The following RASGEF1C variants were observed in gnomAD, a reference collection of about 807,000 sequenced individuals.
RASGEF1C encodes ras-GEF domain-containing family member 1C.
A neutral mutation model predicts 58.1 loss-of-function variants in RASGEF1C; 27 were observed. The ratio of observed to expected loss-of-function variants is 0.46; its 90% confidence interval spans 0.34 to 0.64. The LOEUF is 0.64. RASGEF1C is among the 30% of genes least tolerant of loss of function. The pLI, the probability that RASGEF1C is intolerant of heterozygous loss-of-function variation, is 0.01. For synonymous variants in RASGEF1C, 243 were observed against 246.3 expected (o/e 0.99, Z 0.13); for missense variants, 502 against 605.1 (o/e 0.83, Z 1.79).
chr5:180,178,506 C>G (rs1449957697), intron 1 of RASGEF1C, among the ~76,000 whole-genome samples: 1 of 150,062 alleles, frequency 6.7e-6, no homozygotes, highest in African/African-American at 2.5e-5. Context: ...TCTCGAACTC[C>G]TGACTTCAAG....
chr5:180,152,189 T>C (rs1766756495), intron 1 of RASGEF1C, among the ~76,000 whole-genome samples: 1 of 151,962 alleles, frequency 6.6e-6, no homozygotes, highest in Non-Finnish European at 1.5e-5. Context: ...GAACTAGAAA[T>C]ACCATTTGAC....
At chr5:180,136,648 G>C in intron 3 of RASGEF1C, 133 bp from the exon 4 acceptor site, 2 of 963,640 alleles carry the variant, frequency 2.1e-6, no homozygotes, top group South Asian at 3.5e-5. Flanking sequence ...GGGAGGAGGA[G>C]GGGGGTGCGA....
At chr5:180,160,982 C>T (rs1766934728) in intron 1 of RASGEF1C, among the ~76,000 whole-genome samples, 1 of 152,194 alleles carries the variant, frequency 6.6e-6, no homozygotes, top group Non-Finnish European at 1.5e-5. Context: ...CGTGTGACTG[C>T]ATTTGGCACA....
intron 3 of RASGEF1C, 23 bp from the exon 4 acceptor site, chr5:180,136,538 G>A (rs766386564): frequency 3.9e-5 from 61 of 1,561,342 alleles, no homozygotes; most frequent in South Asian, 3.1e-4. Flanking sequence ...GAGGGGCACC[G>A]CGCTCGTGAG....
chr5:180,142,367 T>G (rs1211813817), intron 1 of RASGEF1C, among the ~76,000 whole-genome samples: 2 of 152,144 alleles, frequency 1.3e-5, no homozygotes, highest in African/African-American at 4.8e-5. Context: ...AGGGGTGGTA[T>G]GCGTTGTCAT....
intron 1 of RASGEF1C, among the ~76,000 whole-genome samples, chr5:180,164,506 G>C (rs1326781445): frequency 2.0e-5 from 3 of 152,090 alleles, no homozygotes; most frequent in African/African-American, 7.2e-5. Flanking sequence ...TTTTCATTCA[G>C]TTAAAAATGT....
chr5:180,117,035 C>A (rs1399912069), intron 10 of RASGEF1C, among the ~76,000 whole-genome samples: 1 of 152,230 alleles, frequency 6.6e-6, no homozygotes, highest in Non-Finnish European at 1.5e-5. Flanking sequence ...GGTATGGAGG[C>A]CAAGTGGCTG....
At position 180,158,703 on chromosome 5, in the gene RASGEF1C, CTT is replaced by C. The variant is rs1766886519; in HGVS notation, c.-6-20647_-6-20646del. Reference sequence around the variant, plus strand: ...CCAGTTGGTCACCCTAGTCCCAAGTCTTTTGAAATTTCACAAGGACGCACCTT... The same window carrying C: ...CCAGTTGGTCACCCTAGTCCCAAGTCTTGAAATTTCACAAGGACGCACCTT... On this transcript the variant is annotated intron_variant, in intron 1 of 13. Transcript: ENST00000361132. The surrounding 1 kb of genome is among the most constrained non-coding windows in gnomAD (Gnocchi z 4.0). Among the ~76,000 whole-genome samples the C allele has an allele frequency of 6.6e-6, 1 of 152,162 alleles. No individual in the cohort carries two copies. Among genetic ancestry groups the C allele is most frequent in the South Asian group, 2.1e-4 (1 of 4,830 alleles).
intron 1 of RASGEF1C, among the ~76,000 whole-genome samples, chr5:180,176,508 AGCTGT>A (rs1312944295): frequency 6.6e-6 from 1 of 151,898 alleles, no homozygotes; most frequent in Admixed American, 6.6e-5. Context: ...GTGCGGGCCC[AGCTGT>A]GCCACTCAGG....
intron 1 of RASGEF1C, among the ~76,000 whole-genome samples, chr5:180,148,283 T>C (rs916506861): frequency 6.6e-6 from 1 of 152,190 alleles, no homozygotes; most frequent in Admixed American, 6.5e-5. Flanking sequence ...GGATCTTTTT[T>C]AAAAAATCCA....
intron 1 of RASGEF1C, among the ~76,000 whole-genome samples, chr5:180,208,691 T>C (rs1756537855): frequency 6.6e-6 from 1 of 151,900 alleles, no homozygotes; most frequent in Non-Finnish European, 1.5e-5. Flanking sequence ...CCGGTGCGGG[T>C]GGAGGCTTTG....
intron 12 of RASGEF1C, among the ~76,000 whole-genome samples, chr5:180,109,817 G>A (rs1451685528): frequency 1.3e-5 from 2 of 152,170 alleles, no homozygotes; most frequent in African/African-American, 4.8e-5. Context: ...CTCCTCTCAG[G>A]GCCTCCAGAA....
Position 180,197,971 on chromosome 5 carries a change from TG to T in RASGEF1C, c.-7+11056del, listed in dbSNP as rs1316104445. On this transcript the variant is annotated intron_variant, in intron 1 of 13. Coordinates refer to ENST00000361132, the MANE Select transcript of RASGEF1C (RefSeq NM_175062.4). The surrounding 1 kb of genome is among the most constrained non-coding windows in gnomAD (Gnocchi z 4.7). Reference sequence around the variant, plus strand: ...AAATTCCCCAATTAGGATGCTGGTGTGGGTCCGGAAGGCATTGAACTGGCAA... The same window carrying T: ...AAATTCCCCAATTAGGATGCTGGTGTGGTCCGGAAGGCATTGAACTGGCAA... 6.6e-6 allele frequency among the ~76,000 whole-genome samples: 1 copy of T among 152,244 alleles called. No individual in the cohort carries two copies. Among genetic ancestry groups the T allele is most frequent in the Non-Finnish European group, 1.5e-5 (1 of 68,042 alleles).
intron 10 of RASGEF1C, among the ~76,000 whole-genome samples, chr5:180,118,224 G>C (rs768121487): frequency 4.6e-5 from 7 of 152,272 alleles, no homozygotes; most frequent in Non-Finnish European, 1.0e-4. Flanking sequence ...GGCCCCAAGT[G>C]GGGAGGAGCC....
At chr5:180,138,676 T>A (rs1766527806) in intron 1 of RASGEF1C, among the ~76,000 whole-genome samples, 3 of 152,134 alleles carry the variant, frequency 2.0e-5, no homozygotes, top group Admixed American at 2.0e-4. Flanking sequence ...TCAGGTACAG[T>A]CAAAACTGCT....
Position 180,173,883 on chromosome 5 carries a change from A to C in RASGEF1C, c.-7+35145T>G, listed in dbSNP as rs528298950. On this transcript the variant is annotated intron_variant, in intron 1 of 13. Transcript: ENST00000361132. ...AGCTGAGATTGTGCCACTGCACTCC[A>C]GCCTGGGCAACAGAGCGAGACTGTC... Among the ~76,000 whole-genome samples the C allele has an allele frequency of 6.4e-4, 95 of 149,340 alleles. 1 individual carries two copies. In the South Asian group the frequency reaches 0.02, roughly 31 times the overall value.
intron 12 of RASGEF1C, among the ~76,000 whole-genome samples, chr5:180,102,427 T>C (rs575726912): frequency 1.3e-5 from 2 of 152,374 alleles, no homozygotes; most frequent in South Asian, 2.1e-4. Context: ...GGCTGGGCCA[T>C]ATCATAGTGG....
At chr5:180,157,733 G>T (rs1490309925) in intron 1 of RASGEF1C, among the ~76,000 whole-genome samples, 1 of 152,110 alleles carries the variant, frequency 6.6e-6, no homozygotes, top group East Asian at 1.9e-4. Context: ...AAGACTGCAT[G>T]ATTCCAACTA....
intron 1 of RASGEF1C, among the ~76,000 whole-genome samples, chr5:180,193,451 G>A (rs1001487977): frequency 3.3e-5 from 5 of 152,146 alleles, no homozygotes; most frequent in African/African-American, 7.2e-5. Flanking sequence ...TGACAGGACA[G>A]AGCTGCTACA....
Sources: allele counts gnomAD v4.1 joint callset (sites outside exome capture counted in the v4.1 genomes callset), GRCh38; gene constraint gnomAD v4.1.1; non-coding constraint Gnocchi (gnomAD v3.1); transcripts MANE v1.5; gene names NCBI Gene and HGNC (gene_info 2026-07-23, HGNC 2026-07-21).